Variants in FREM1 observed in about 807,000 individuals in gnomAD.
FREM1 encodes the protein FRAS1 related extracellular matrix 1, also known as FRAS1-related extracellular matrix protein 1.
In FREM1, 220 loss-of-function variants were observed where a neutral mutation model predicts 210.1. That is an observed-to-expected ratio of 1.05 (90% confidence interval 0.94 to 1.17). The LOEUF is 1.17. Ranked by LOEUF, FREM1 falls within the 50% of genes most tolerant of loss-of-function variation. The pLI is 0.00. For synonymous variants in FREM1, 1,189 were observed against 980.2 expected (o/e 1.21, Z -3.98); for missense variants, 3,454 against 2,675.5 (o/e 1.29, Z -6.42).
intron 24 of FREM1, among the ~76,000 whole-genome samples, chr9:14,782,201 T>G (rs555136060): frequency 6.6e-6 from 1 of 152,380 alleles, no homozygotes; most frequent in African/African-American, 2.4e-5. Flanking sequence ...TGTAGTTCTC[T>G]CTGGCAATTA....
At chr9:14,801,102 G>A (rs913185246) in intron 20 of FREM1, among the ~76,000 whole-genome samples, 1 of 152,208 alleles carries the variant, frequency 6.6e-6, no homozygotes, top group East Asian at 1.9e-4. Context: ...AGGCTCAAGC[G>A]ATTTCGTGCC....
At chr9:14,905,793 A>C (rs868851889) in intron 1 of FREM1, among the ~76,000 whole-genome samples, 1 of 152,202 alleles carries the variant, frequency 6.6e-6, no homozygotes, top group Non-Finnish European at 1.5e-5. Flanking sequence ...CGGGAGGCTG[A>C]GGCAGGAGAA....
intron 3 of FREM1, among the ~76,000 whole-genome samples, chr9:14,861,893 C>A (rs994759586): frequency 1.4e-4 from 22 of 152,150 alleles, no homozygotes; most frequent in African/African-American, 4.8e-4. Context: ...ACGGTAGTCA[C>A]CCTGTTGTGC....
chr9:14,887,323 C>A (rs555395441), intron 1 of FREM1, among the ~76,000 whole-genome samples: 1 of 152,228 alleles, frequency 6.6e-6, no homozygotes, highest in East Asian at 1.9e-4. Context: ...GCCTGAGGTC[C>A]CAGCAGGAGA....
intron 3 of FREM1, among the ~76,000 whole-genome samples, chr9:14,862,290 G>C (rs1830731541): frequency 6.6e-6 from 1 of 152,152 alleles, no homozygotes; most frequent in African/African-American, 2.4e-5. Context: ...TTGTAGAATG[G>C]TTCACTGTTC....
chr9:14,888,299 C>T (rs937004816), intron 1 of FREM1, among the ~76,000 whole-genome samples: 1 of 152,122 alleles, frequency 6.6e-6, no homozygotes, highest in South Asian at 2.1e-4. Flanking sequence ...CTGGTTTTGT[C>T]CAACTCCAAA....
chr9:14,869,858 G>A (rs1052961107), intron 1 of FREM1, among the ~76,000 whole-genome samples: 1 of 152,118 alleles, frequency 6.6e-6, no homozygotes, highest in East Asian at 1.9e-4. Context: ...AAGGGACTAC[G>A]AATGAGGTGA....
rs749562684 is a variant in FREM1 at position 14,842,572 on chromosome 9, G to A, written c.1482C>T (p.Phe494=). ...GGCCATCAAATATCCGGAAGACCAC[G>A]AAGTCTTTGGTGGAGTCGCTGTCAT... is the stretch of plus-strand genomic sequence containing the variant. ...HHDDSDSTKD[F]VVFRIFDGHH... is the part of the protein sequence containing the mutation. The change falls in exon 9 of 37, where the codon TTC becomes TTT. Residue 494 remains phenylalanine (F), a synonymous_variant. Coordinates refer to ENST00000380880, the MANE Select transcript of FREM1 (RefSeq NM_001379081.2). 6.8e-6 allele frequency: 11 copies of A among 1,613,800 alleles called. No individual in the cohort carries two copies. The highest frequency in any genetic ancestry group is 1.6e-4 in the Middle Eastern group (1 of 6,084).
intron 19 of FREM1, among the ~76,000 whole-genome samples, chr9:14,804,302 T>C (rs1312038313): frequency 6.6e-6 from 1 of 152,062 alleles, no homozygotes; most frequent in Non-Finnish European, 1.5e-5. Context: ...CATGACAACT[T>C]TGGCTGGGTG....
intron 1 of FREM1, among the ~76,000 whole-genome samples, chr9:14,896,531 C>G (rs138974639): frequency 1.6e-5 from 2 of 127,784 alleles, no homozygotes; most frequent in African/African-American, 6.2e-5. Context: ...GGCCACAGAG[C>G]GAGACTCCAT....
intron 1 of FREM1, among the ~76,000 whole-genome samples, chr9:14,888,177 A>C (rs913683053): frequency 2.2e-4 from 34 of 152,176 alleles, no homozygotes; most frequent in African/African-American, 8.0e-4. Flanking sequence ...TTTAATCCCT[A>C]CTATGGTTTT....
chr9:14,757,166 A>G (rs1016183176), intron 28 of FREM1, among the ~76,000 whole-genome samples: 3 of 152,208 alleles, frequency 2.0e-5, no homozygotes, highest in East Asian at 3.9e-4. Flanking sequence ...CCTGCTTCTC[A>G]GCTCCAGCCC....
chr9:14,862,001 G>A (rs752311376), intron 3 of FREM1, among the ~76,000 whole-genome samples: 32 of 152,200 alleles, frequency 2.1e-4, no homozygotes, highest in Non-Finnish European at 2.6e-4. Flanking sequence ...CACCCGCTCC[G>A]CGCAAGTTCT....
rs73417689 is a variant in FREM1 at position 14,903,995 on chromosome 9, G to A, written c.-268+5919C>T. On this transcript the variant is annotated intron_variant, in intron 1 of 36. Transcript: ENST00000380880. ...AAATTAGCTGGGCGTGGTGGCAGGC[G>A]CCTGTAGTCCCAGCTGCTTGGGAGG... 3.5e-3 allele frequency among the ~76,000 whole-genome samples: 534 copies of A among 151,858 alleles called. 6 individuals carry two copies. The highest frequency in any genetic ancestry group is 0.012 in the African/African-American group (490 of 41,418).
chr9:14,757,426 C>T (rs775886317), intron 28 of FREM1, among the ~76,000 whole-genome samples: 1 of 152,022 alleles, frequency 6.6e-6, no homozygotes, highest in Non-Finnish European at 1.5e-5. Flanking sequence ...ATGGTGGCGG[C>T]CGCCTGTAAT....
intron 3 of FREM1, among the ~76,000 whole-genome samples, chr9:14,860,586 T>TATATACACATATATATATACAC (rs1829699543): frequency 3.4e-5 from 3 of 87,816 alleles, no homozygotes; most frequent in African/African-American, 1.5e-4. Flanking sequence ...TATATACACA[T>TATATACACATATATATATACAC]ATATATACAT....
chr9:14,842,477 G>C lies in FREM1; in HGVS notation c.1577C>G (p.Thr526Ser), dbSNP rs1429788475. 2 of 1,614,034 alleles carry C rather than the reference G, an allele frequency of 1.2e-6. No homozygotes were observed. The highest frequency in any genetic ancestry group is 1.7e-5 in the Admixed American group (1 of 60,026). The change falls in exon 9 of 37, where the codon ACC (threonine) becomes AGC (serine). Residue 526 changes from threonine (T) to serine (S), a missense_variant. Physicochemically the swap from Thr to Ser is moderately conservative, Grantham distance 58. Coordinates refer to ENST00000380880, the MANE Select transcript of FREM1 (RefSeq NM_001379081.2). ...CTCCTCCAGTTCAATCACAACATTG[G>C]TTATGAGGAACGGGGGACTATCATC... ...PKDDSPPFLI[T>S]NVVIELEEGQ... is the part of the protein sequence containing the mutation.
At chr9:14,850,637 G>A (rs1827538206) in intron 6 of FREM1, 3 of 152,124 alleles carry the variant, frequency 2.0e-5, no homozygotes, top group South Asian at 2.1e-4. Context: ...CTGGGTGATG[G>A]GTTGATAGGT....
chr9:14,751,181 G>A (rs1161835364), intron 29 of FREM1, among the ~76,000 whole-genome samples: 3 of 152,186 alleles, frequency 2.0e-5, no homozygotes, highest in Non-Finnish European at 4.4e-5. Flanking sequence ...TTTAAGTGGA[G>A]AAAGAAGGCT....
Sources: gnomAD v4.1 joint callset for allele counts (sites outside exome capture counted in the v4.1 genomes callset) on GRCh38, gnomAD v4.1.1 for gene constraint, MANE v1.5 for transcripts, NCBI Gene and HGNC (gene_info 2026-07-23, HGNC 2026-07-21) for gene names.